Variants in SPOCK1 observed in about 807,000 individuals in gnomAD.
SPOCK1 encodes testican-1.
SPOCK1 carries 23 observed loss-of-function variants against 55.3 expected under a neutral mutation model. The ratio of observed to expected loss-of-function variants is 0.42; its 90% CI spans 0.30 to 0.59. The LOEUF (loss-of-function observed/expected upper bound fraction) is 0.59, where lower values mean the gene tolerates loss of function less well. SPOCK1 is among the 20% of genes least tolerant of loss of function. The pLI is 0.22. For synonymous variants in SPOCK1, 226 were observed against 221.0 expected (o/e 1.02, Z -0.20); for missense variants, 499 against 552.5 (o/e 0.90, Z 0.97).
intron 2 of SPOCK1, among the ~76,000 whole-genome samples, chr5:137,492,254 G>A (rs1354545706): frequency 3.9e-5 from 6 of 152,204 alleles, no homozygotes; most frequent in East Asian, 1.9e-4. Context: ...AGTGATTGAC[G>A]GAGGAATGGG....
intron 2 of SPOCK1, among the ~76,000 whole-genome samples, chr5:137,470,965 A>G (rs563264669): frequency 6.6e-6 from 1 of 152,342 alleles, no homozygotes; most frequent in South Asian, 2.1e-4. Flanking sequence ...GTGTAAATGT[A>G]AACTGGGGGA....
chr5:137,455,673 G>A (rs1011340346), intron 2 of SPOCK1, among the ~76,000 whole-genome samples: 6 of 152,052 alleles, frequency 3.9e-5, no homozygotes, highest in African/African-American at 1.2e-4. Flanking sequence ...CACACTTAGA[G>A]GATCTTCTCT....
At chr5:137,084,340 G>C (rs768111903) in intron 5 of SPOCK1, among the ~76,000 whole-genome samples, 2 of 151,950 alleles carry the variant, frequency 1.3e-5, no homozygotes, top group South Asian at 4.2e-4. Flanking sequence ...GCTGCAGAGT[G>C]GTGTGGGAAT....
At chr5:137,375,272 A>T (rs1229743) in intron 2 of SPOCK1, among the ~76,000 whole-genome samples, 41,845 of 151,770 alleles carry the variant, frequency 0.28, 6,732 homozygotes, top group Middle Eastern at 0.41. Flanking sequence ...ACTTCTAGAC[A>T]CAACACCATG....
chr5:136,988,384 C>T, intron 8 of SPOCK1, 38 bp downstream of exon 8: 1 of 1,578,062 alleles, frequency 6.3e-7, no homozygotes, highest in Non-Finnish European at 8.7e-7. Context: ...AGCAAGGCTG[C>T]CCTGGGCTAG....
intron 7 of SPOCK1, 53 bp from the exon 8 acceptor site, chr5:136,988,696 C>T: frequency 6.5e-7 from 1 of 1,526,836 alleles, no homozygotes; most frequent in South Asian, 1.3e-5. Context: ...GCTTTCCTCC[C>T]TGCTCACTCC....
At position 137,463,529 on chromosome 5, in the gene SPOCK1, G is replaced by A. The variant is rs371218377; in HGVS notation, c.186+34844C>T. ...TGCCAGAGGCTGGCAAGGGTAGTGGGGGGGTGTTGGGAGGAGGGAGGTGGG... is the reference window on the plus strand; with the variant it reads ...TGCCAGAGGCTGGCAAGGGTAGTGGAGGGGTGTTGGGAGGAGGGAGGTGGG... On this transcript the variant is annotated intron_variant, in intron 2 of 10. Coordinates refer to ENST00000394945, the MANE Select transcript of SPOCK1 (RefSeq NM_004598.4). 8.0e-4 allele frequency among the ~76,000 whole-genome samples: 121 copies of A among 151,832 alleles called. 2 individuals carry two copies. Among genetic ancestry groups the A allele is most frequent in the African/African-American group, 2.6e-3 (108 of 41,356 alleles).
chr5:137,177,839 AAG>A (rs1754887010), intron 3 of SPOCK1, among the ~76,000 whole-genome samples: 1 of 151,894 alleles, frequency 6.6e-6, no homozygotes, highest in South Asian at 2.1e-4. Flanking sequence ...GGGGTGGGGA[AAG>A]AGGGAATCAA....
chr5:137,414,147 T>C (rs1752279890), intron 2 of SPOCK1, among the ~76,000 whole-genome samples: 1 of 152,148 alleles, frequency 6.6e-6, no homozygotes, highest in African/African-American at 2.4e-5. Flanking sequence ...AGAGCAAAAA[T>C]ATAATTCTTA....
chr5:137,241,494 T>C (rs1756280419), intron 3 of SPOCK1, among the ~76,000 whole-genome samples: 1 of 152,186 alleles, frequency 6.6e-6, no homozygotes. Context: ...ATGGTTTGGA[T>C]GTGTCCCCTA....
At chr5:137,266,842 A>C (rs955202660) in intron 3 of SPOCK1, among the ~76,000 whole-genome samples, 168 bp downstream of exon 3, 1 of 152,156 alleles carries the variant, frequency 6.6e-6, no homozygotes, top group African/African-American at 2.4e-5. Context: ...CAGACAAATA[A>C]CCAATTTGAT....
chr5:137,292,665 G>C (rs974381776), intron 2 of SPOCK1, among the ~76,000 whole-genome samples: 1 of 152,102 alleles, frequency 6.6e-6, no homozygotes, highest in African/African-American at 2.4e-5. Flanking sequence ...GCATCTTTAA[G>C]ATTTTCCTTT....
At chr5:137,221,808 T>C (rs1434908478) in intron 3 of SPOCK1, among the ~76,000 whole-genome samples, 1 of 152,240 alleles carries the variant, frequency 6.6e-6, no homozygotes, top group East Asian at 1.9e-4. Context: ...AATATTTCTG[T>C]GGAGAAACAA....
intron 2 of SPOCK1, among the ~76,000 whole-genome samples, chr5:137,351,556 G>A (rs976140457): frequency 3.3e-5 from 5 of 152,114 alleles, no homozygotes; most frequent in African/African-American, 7.2e-5. Context: ...GGGAGAAAAC[G>A]CCTAGATTTT....
At chr5:137,211,716 C>T (rs1295450307) in intron 3 of SPOCK1, among the ~76,000 whole-genome samples, 1 of 152,096 alleles carries the variant, frequency 6.6e-6, no homozygotes, top group Non-Finnish European at 1.5e-5. Flanking sequence ...AGAAGGGCTG[C>T]AGGTTGAGTT....
chr5:137,414,625 T>C (rs1377260512), intron 2 of SPOCK1, among the ~76,000 whole-genome samples: 3 of 152,214 alleles, frequency 2.0e-5, no homozygotes, highest in Non-Finnish European at 4.4e-5. Context: ...TCATGATTTA[T>C]TGCTGGAGAA....
At chr5:137,153,646 G>C (rs1699911239) in intron 3 of SPOCK1, among the ~76,000 whole-genome samples, 2 of 152,008 alleles carry the variant, frequency 1.3e-5, no homozygotes, top group South Asian at 4.2e-4. Flanking sequence ...TTGAGCCCAG[G>C]AGTTCAAGAC....
chr5:137,238,065 T>C (rs927666001), intron 3 of SPOCK1, among the ~76,000 whole-genome samples: 11 of 152,200 alleles, frequency 7.2e-5, no homozygotes, highest in Non-Finnish European at 1.6e-4. Context: ...TGGGCAAGAC[T>C]GGTTCACCTC....
intron 2 of SPOCK1, among the ~76,000 whole-genome samples, chr5:137,421,949 C>T (rs994673314): frequency 1.3e-5 from 2 of 152,208 alleles, no homozygotes; most frequent in African/African-American, 4.8e-5. Context: ...TTGTTCCTTT[C>T]CATGTTTAGT....
Sources: allele counts gnomAD v4.1 joint callset (sites outside exome capture counted in the v4.1 genomes callset), GRCh38; gene constraint gnomAD v4.1.1; transcripts MANE v1.5; gene names NCBI Gene and HGNC (gene_info 2026-07-23, HGNC 2026-07-21).